SLC5A3: variants seen among roughly 807,000 people sequenced by gnomAD.
SLC5A3 encodes sodium/myo-inositol cotransporter.
A neutral mutation model predicts 43.2 loss-of-function variants in SLC5A3; 10 were observed. That is an observed-to-expected ratio of 0.23 (90% confidence interval 0.14 to 0.39). The LOEUF (loss-of-function observed/expected upper bound fraction) is 0.39. Ranked by LOEUF, SLC5A3 falls within the 10% of genes least tolerant of loss-of-function variation. SLC5A3 has a pLI of 1.00. For synonymous variants in SLC5A3, 349 were observed against 322.0 expected (o/e 1.08, Z -0.90); for missense variants, 608 against 893.4 (o/e 0.68, Z 4.07).
rs958578699 is a variant in SLC5A3 at position 34,105,710 on chromosome 21, A to T, written c.*8355A>T. The T allele has an allele frequency of 1.3e-5, 13 of 998,402 alleles. No homozygotes were observed. The African/African-American group carries it at 2.3e-4, about 17-fold the overall frequency. 61.8% of individuals were successfully genotyped at this position (998,402 alleles called of 1,614,324 possible). A position where few individuals can be genotyped will look rare whatever the true frequency, so the allele number is the denominator to read the frequency against. On this transcript the variant is annotated 3_prime_UTR_variant, in exon 2 of 2. Coordinates refer to ENST00000381151, the MANE Select transcript of SLC5A3 (RefSeq NM_006933.7). ...TTATTAGTGAGTTTTTTGAATTGTA[A>T]ATGGATTTCCAGTTTACCTTCTGTT... is the stretch of plus-strand genomic sequence containing the variant.
rs1979033189 is a variant in SLC5A3 at position 34,097,691 on chromosome 21, G to A, written c.*336G>A. ...TGAATTAAGGTATACTGTCTGCACT[G>A]CCAAGTCTTGGCAGACCTTACCCTG... is the stretch of plus-strand genomic sequence containing the variant. On this transcript the variant is annotated 3_prime_UTR_variant, in exon 2 of 2. Transcript: ENST00000381151. 9.8e-7 allele frequency: 1 copy of A among 1,023,612 alleles called. No individual in the cohort carries two copies. Among genetic ancestry groups the A allele is most frequent in the Non-Finnish European group, 1.2e-6 (1 of 845,966 alleles). The allele number at this position is 1,023,612 out of a possible 1,614,324, so 63.4% of individuals were successfully genotyped here. A position where few individuals can be genotyped will look rare whatever the true frequency, so the allele number is the denominator to read the frequency against.
chr21:34,080,843 C>T (rs1177257397), intron 1 of SLC5A3, among the ~76,000 whole-genome samples: 1 of 152,240 alleles, frequency 6.6e-6, no homozygotes, highest in Admixed American at 6.5e-5. Flanking sequence ...TGCTATGATA[C>T]AGCGTGTTGA....
intron 1 of SLC5A3, among the ~76,000 whole-genome samples, chr21:34,087,433 C>G (rs575899372): frequency 6.6e-6 from 1 of 152,146 alleles, no homozygotes. Flanking sequence ...AGATGGTGTT[C>G]TGGACACTAG....
At position 34,101,417 on chromosome 21, in the gene SLC5A3, G is replaced by A; in HGVS notation, c.*4062G>A. The A allele has an allele frequency of 1.0e-6, 1 of 1,000,168 alleles. No homozygotes were observed. The highest frequency in any genetic ancestry group is 1.2e-6 in the Non-Finnish European group (1 of 829,940). The allele number at this position is 1,000,168 out of a possible 1,614,324, so 62.0% of individuals were successfully genotyped here. A position where few individuals can be genotyped will look rare whatever the true frequency, so the allele number is the denominator to read the frequency against. ...AGTAGAAAAATGCTTTGAGGCTTCA[G>A]TATTTGTAAGATTTTGCATTAGCCA... On this transcript the variant is annotated 3_prime_UTR_variant, in exon 2 of 2. Transcript: ENST00000381151.
intron 1 of SLC5A3, among the ~76,000 whole-genome samples, chr21:34,076,276 ATTAC>A (rs1403598865): frequency 6.6e-6 from 1 of 151,972 alleles, no homozygotes; most frequent in Non-Finnish European, 1.5e-5. Context: ...CCCTGTCCTC[ATTAC>A]TTTTTTTTTG....
At chr21:34,090,638 A>G (rs1418398134) in intron 1 of SLC5A3, among the ~76,000 whole-genome samples, 1 of 152,216 alleles carries the variant, frequency 6.6e-6, no homozygotes, top group Non-Finnish European at 1.5e-5. Flanking sequence ...TAGTATATTC[A>G]GGTTGTAGGG....
rs1979125654 is a variant in SLC5A3, at chr21:34,099,350, T to A, written c.*1995T>A. 1.0e-6 allele frequency: 1 copy of A among 1,000,168 alleles called. No individual in the cohort carries two copies. The highest frequency in any genetic ancestry group is 4.7e-5 in the South Asian group (1 of 21,294). The allele number at this position is 1,000,168 out of a possible 1,614,324, so 62.0% of individuals were successfully genotyped here. A position where few individuals can be genotyped will look rare whatever the true frequency, so the allele number is the denominator to read the frequency against. On this transcript the variant is annotated 3_prime_UTR_variant, in exon 2 of 2. Transcript: ENST00000381151. ...CAGGTCTCCAAATCTGGACTCATGG[T>A]TTGTTCAGATGTGTCTGGACAAATG... is the stretch of plus-strand genomic sequence containing the variant.
In SLC5A3 at chr21:34,097,624, T is replaced by G; in HGVS notation, c.*269T>G. On this transcript the variant is annotated 3_prime_UTR_variant, in exon 2 of 2. Transcript: ENST00000381151. ...TACCAAAGTAAGAAGAGACCAATTA[T>G]TCTCACAGAGCACTTAGAGCAGAAT... The G allele has an allele frequency of 8.5e-7, 1 of 1,177,324 alleles. No individual in the cohort carries two copies. The highest frequency in any genetic ancestry group is 1.1e-6 in the Non-Finnish European group (1 of 942,270). The allele number at this position is 1,177,324 out of a possible 1,614,324, so 72.9% of individuals were successfully genotyped here.
chr21:34,082,499 A>G (rs1180154358), intron 1 of SLC5A3, among the ~76,000 whole-genome samples: 1 of 152,160 alleles, frequency 6.6e-6, no homozygotes, highest in Non-Finnish European at 1.5e-5. Context: ...TTGAAATACT[A>G]CTGGCATGCA....
Position 34,096,332 on chromosome 21 carries a change from C to G in SLC5A3, c.1134C>G (p.Asp378Glu). 1 of 1,614,130 alleles carries G rather than the reference C, an allele frequency of 6.2e-7. No individual in the cohort carries two copies. Residue 378 changes from aspartate (D) to glutamate (E), a missense_variant, in exon 2 of 2, where the codon GAC (aspartate) becomes GAG (glutamate). Asp to Glu is a conservative substitution (Grantham distance 45). Around this residue, in one of 2 missense-constraint regions of SLC5A3, gnomAD observed 398 missense variants for 668.6 expected, o/e 0.60. Transcript: ENST00000381151. This position sits in a 1 kb window ranked among gnomAD's most constrained non-coding sequence, Gnocchi z 5.9. ...MAVMIAALMSDLDSIFNSAST... is the reference protein window; with the variant it reads ...MAVMIAALMSELDSIFNSAST... Reference sequence around the variant, plus strand: ...TGATGATTGCAGCTCTGATGAGTGACTTAGACTCTATCTTTAACAGTGCCA... The same window carrying G: ...TGATGATTGCAGCTCTGATGAGTGAGTTAGACTCTATCTTTAACAGTGCCA...
chr21:34,077,122 T>G (rs561894009), intron 1 of SLC5A3, among the ~76,000 whole-genome samples: 1 of 152,328 alleles, frequency 6.6e-6, no homozygotes, highest in South Asian at 2.1e-4. Context: ...GTGAGTGAGC[T>G]CTCTTGTGAG....
chr21:34,102,714 A>G lies in SLC5A3; in HGVS notation c.*5359A>G. On this transcript the variant is annotated 3_prime_UTR_variant, in exon 2 of 2. Coordinates refer to ENST00000381151, the MANE Select transcript of SLC5A3 (RefSeq NM_006933.7). The stretch of plus-strand genomic sequence containing the variant: ...GCAGCTGAAGAGCGAGCAAATCAAG[A>G]CAAAACACAGTGGTCTCAGATTTTT... 2 of 1,000,174 alleles carry G rather than the reference A, an allele frequency of 2.0e-6. No homozygotes were observed. The highest frequency in any genetic ancestry group is 9.4e-5 in the South Asian group (2 of 21,284). The allele number at this position is 1,000,174 out of a possible 1,614,324, so 62.0% of individuals were successfully genotyped here.
chr21:34,077,463 A>G (rs1830806488), intron 1 of SLC5A3, among the ~76,000 whole-genome samples: 1 of 152,236 alleles, frequency 6.6e-6, no homozygotes, highest in South Asian at 2.1e-4. Flanking sequence ...TTTTCCTGAA[A>G]TCTTCTCATT....
intron 1 of SLC5A3, among the ~76,000 whole-genome samples, chr21:34,094,337 G>C (rs1978861788): frequency 6.6e-6 from 1 of 151,882 alleles, no homozygotes; most frequent in South Asian, 2.1e-4. Context: ...GCAGTACTTG[G>C]TTTTCTGTAT....
Position 34,101,702 on chromosome 21 carries a change from A to G in SLC5A3, c.*4347A>G, listed in dbSNP as rs1460787841. 3.0e-6 allele frequency: 3 copies of G among 999,116 alleles called. No individual in the cohort carries two copies. The African/African-American group carries it at 5.2e-5, about 17-fold the overall frequency. 61.9% of individuals were successfully genotyped at this position (999,116 alleles called of 1,614,324 possible). On this transcript the variant is annotated 3_prime_UTR_variant, in exon 2 of 2. Transcript: ENST00000381151. ...GTGTGTGAAAGTGATGTTTTGCCCC[A>G]GTATTGAGGACTTTTAGATCCAAAT...
Position 34,096,560 on chromosome 21 carries a change from C to G in SLC5A3, c.1362C>G (p.Ala454=). The G allele has an allele frequency of 6.2e-7, 1 of 1,614,120 alleles. No individual in the cohort carries two copies. Among genetic ancestry groups the G allele is most frequent in the Non-Finnish European group, 8.5e-7 (1 of 1,180,006 alleles). The change falls in exon 2 of 2, where the codon GCC becomes GCG. Residue 454 remains alanine, a synonymous_variant. Transcript: ENST00000381151. The surrounding 1 kb of genome is among the most constrained non-coding windows in gnomAD (Gnocchi z 5.9). ...VADYLTPPVA[A]LFLLAIFWKR... ...ATTACCTGACACCCCCAGTGGCAGCCTTGTTCCTGCTGGCAATTTTCTGGA... is the reference window on the plus strand; with the variant it reads ...ATTACCTGACACCCCCAGTGGCAGCGTTGTTCCTGCTGGCAATTTTCTGGA...
rs1244746603 is a variant in SLC5A3, at chr21:34,101,234, T to C, written c.*3879T>C. 1.0e-6 allele frequency: 1 copy of C among 1,000,024 alleles called. No homozygotes were observed. Among genetic ancestry groups the C allele is most frequent in the Admixed American group, 6.2e-5 (1 of 16,238 alleles). 61.9% of individuals were successfully genotyped at this position (1,000,024 alleles called of 1,614,324 possible). ...AAAATCTGCATATGTAGAATCATTT[T>C]CATTAGATTTAGAGCTTGAAGCACC... is the stretch of plus-strand genomic sequence containing the variant. On this transcript the variant is annotated 3_prime_UTR_variant, in exon 2 of 2. Transcript: ENST00000381151.
chr21:34,097,707 C>A lies in SLC5A3; in HGVS notation c.*352C>A. ...GTCTGCACTGCCAAGTCTTGGCAGA[C>A]CTTACCCTGAAGTAGAAGATTTGCT... On this transcript the variant is annotated 3_prime_UTR_variant, in exon 2 of 2. Transcript: ENST00000381151. 1 of 1,014,776 alleles carries A rather than the reference C, an allele frequency of 9.9e-7. No homozygotes were observed. The highest frequency in any genetic ancestry group is 1.2e-6 in the Non-Finnish European group (1 of 840,120). 62.9% of individuals were successfully genotyped at this position (1,014,776 alleles called of 1,614,324 possible).
Position 34,104,264 on chromosome 21 carries a change from C to G in SLC5A3, c.*6909C>G, listed in dbSNP as rs910280670. On this transcript the variant is annotated 3_prime_UTR_variant, in exon 2 of 2. Coordinates refer to ENST00000381151, the MANE Select transcript of SLC5A3 (RefSeq NM_006933.7). ...CACAATGGGGTGGAGAGGATTCTTT[C>G]ACTTGTCCCATTAACCCTCTTCTAG... The G allele has an allele frequency of 2.2e-5, 22 of 1,000,000 alleles. No homozygotes were observed. The highest frequency in any genetic ancestry group is 2.5e-5 in the Non-Finnish European group (21 of 829,922). 61.9% of individuals were successfully genotyped at this position (1,000,000 alleles called of 1,614,324 possible).
Sources: allele counts gnomAD v4.1 joint callset (sites outside exome capture counted in the v4.1 genomes callset), GRCh38; gene constraint gnomAD v4.1.1; regional missense constraint gnomAD v4.1.1; non-coding constraint Gnocchi (gnomAD v3.1); transcripts MANE v1.5; gene names NCBI Gene and HGNC (gene_info 2026-07-23, HGNC 2026-07-21).